Variants in DDB2 observed in about 807,000 individuals in gnomAD.
DDB2 encodes damage specific DNA binding protein 2.
DDB2 carries 27 observed loss-of-function variants against 50.5 expected under a neutral mutation model. That is an observed-to-expected ratio of 0.53 (90% CI 0.39 to 0.74). DDB2 has a LOEUF of 0.74. Among genes scored for constraint, DDB2 ranks in the 30% least tolerant of loss-of-function variants. The pLI, the probability that DDB2 is intolerant of heterozygous loss-of-function variation, is 0.00. For synonymous variants in DDB2, 176 were observed against 205.5 expected, an observed-to-expected ratio of 0.86 and a Z score of 1.23; for missense variants, 424 against 545.6, an observed-to-expected ratio of 0.78 and a Z score of 2.22.
At chr11:47,214,767 T>G, upstream of DDB2, 1 of 344,310 alleles carries the variant, frequency 2.9e-6, no homozygotes. Context: ...CCAGACCCTG[T>G]TGCTAAAAAA....
intron 7 of DDB2, among the ~76,000 whole-genome samples, chr11:47,236,514 A>G (rs1027537532): frequency 1.3e-5 from 2 of 152,208 alleles, no homozygotes; most frequent in Non-Finnish European, 2.9e-5. Flanking sequence ...GGGGAGCGCC[A>G]GTTTCCAGCA....
At chr11:47,235,202 A>C in intron 6 of DDB2, 68 bp from the exon 7 acceptor site, 3 of 1,584,624 alleles carry the variant, frequency 1.9e-6, no homozygotes, top group Non-Finnish European at 2.6e-6. Flanking sequence ...CTGCAGGAGA[A>C]GGCCTGCAAG....
chr11:47,236,053 C>T (rs1415859295), intron 7 of DDB2: 1 of 151,750 alleles, frequency 6.6e-6, no homozygotes, highest in East Asian at 1.9e-4. Context: ...CCGCCTTAGC[C>T]TCGGAAGTAG....
At chr11:47,218,186 T>C (rs1434985105) in intron 3 of DDB2, among the ~76,000 whole-genome samples, 1 of 152,226 alleles carries the variant, frequency 6.6e-6, no homozygotes. Flanking sequence ...CTGCTTCATG[T>C]TTCCCCCAAG....
chr11:47,237,600 T>C, intron 7 of DDB2: 1 of 454,350 alleles, frequency 2.2e-6, no homozygotes, highest in Non-Finnish European at 4.1e-6. Context: ...CCAGCTAATT[T>C]TTTTTTTGGT....
At chr11:47,228,875 T>C (rs758435294) in intron 3 of DDB2, among the ~76,000 whole-genome samples, 5 of 143,338 alleles carry the variant, frequency 3.5e-5, no homozygotes, top group Non-Finnish European at 6.0e-5. Flanking sequence ...GAGAATTGTT[T>C]AAACCCAGGA....
intron 3 of DDB2, among the ~76,000 whole-genome samples, chr11:47,222,600 C>T (rs1321046038): frequency 3.3e-5 from 5 of 152,236 alleles, no homozygotes; most frequent in African/African-American, 1.2e-4. Context: ...CCTGCCTTAG[C>T]CTCCCAAAGT....
chr11:47,217,572 T>C (rs1048957576), intron 3 of DDB2, among the ~76,000 whole-genome samples: 13 of 152,132 alleles, frequency 8.5e-5, no homozygotes, highest in Middle Eastern at 3.4e-3. Context: ...CTAGAAGATA[T>C]AGACTATTGA....
chr11:47,236,395 C>A (rs191538466), intron 7 of DDB2, among the ~76,000 whole-genome samples: 2 of 152,338 alleles, frequency 1.3e-5, no homozygotes, highest in East Asian at 3.9e-4. Flanking sequence ...GCCTAAGCCC[C>A]CATGCAGACT....
intron 3 of DDB2, among the ~76,000 whole-genome samples, chr11:47,222,709 A>G (rs1953504189): frequency 6.6e-6 from 1 of 152,194 alleles, no homozygotes; most frequent in Non-Finnish European, 1.5e-5. Context: ...ATTTTTTTCT[A>G]GTTTTTGAAT....
At position 47,215,282 on chromosome 11, in the gene DDB2, G is replaced by A. The variant is rs765788313; in HGVS notation, c.127+19G>A. On this transcript the variant is annotated intron_variant, in intron 1 of 9. Transcript: ENST00000256996. ...GGCTCCGGTACTGCCTGTGCCTGCT[G>A]CTTGAATATTTCCGCCTTTTAGGGT... 1 of 1,613,730 alleles carries A rather than the reference G, an allele frequency of 6.2e-7. No homozygotes were observed. The highest frequency in any genetic ancestry group is 8.5e-7 in the Non-Finnish European group (1 of 1,179,958).
chr11:47,231,618 G>T (rs1211273256), intron 3 of DDB2, among the ~76,000 whole-genome samples: 1 of 152,062 alleles, frequency 6.6e-6, no homozygotes, highest in African/African-American at 2.4e-5. Flanking sequence ...CGACCTCCAG[G>T]CTTCCGTCAT....
intron 7 of DDB2, chr11:47,235,787 C>T (rs374929534): frequency 2.4e-5 from 6 of 252,470 alleles, no homozygotes; most frequent in African/African-American, 6.7e-5. Context: ...GGCAGGGTCT[C>T]GCTCTGTCAC....
At chr11:47,231,693 T>TTG (rs1953652422) in intron 3 of DDB2, among the ~76,000 whole-genome samples, 1 of 151,354 alleles carries the variant, frequency 6.6e-6, no homozygotes, top group Non-Finnish European at 1.5e-5. Context: ...TAAATTTTTT[T>TTG]TGTGTGTGTA....
rs781286785 is a variant in DDB2 at position 47,234,880 on chromosome 11, A to G, written c.826A>G (p.Arg276Gly). 7 of 1,614,236 alleles carry G rather than the reference A, an allele frequency of 4.3e-6. No individual in the cohort carries two copies. In the South Asian group the frequency reaches 7.7e-5, roughly 18 times the overall value. ...TVKIWDLRQV[R>G]GKASFLYSLP... Reference sequence around the variant, plus strand: ...GAAAATTTGGGACCTGCGCCAGGTTAGAGGGAAAGCCAGCTTCCTCTACTC... The same window carrying G: ...GAAAATTTGGGACCTGCGCCAGGTTGGAGGGAAAGCCAGCTTCCTCTACTC... Residue 276 changes from arginine to glycine, a missense_variant, in exon 6 of 10, where the codon AGA becomes GGA. Arg to Gly is a moderately radical substitution (Grantham distance 125). Coordinates refer to ENST00000256996, the MANE Select transcript of DDB2 (RefSeq NM_000107.3).
rs865874237 is a variant in DDB2, at chr11:47,226,285, T to C, written c.457-6529T>C. ...CCCACCAACATTTATTTTCTTTTTT[T>C]TTTTTTTTGAGATGAAGTCTCCCTC... On this transcript the variant is annotated intron_variant, in intron 3 of 9. Coordinates refer to ENST00000256996, the MANE Select transcript of DDB2 (RefSeq NM_000107.3). 4.1e-3 allele frequency among the ~76,000 whole-genome samples: 626 copies of C among 151,738 alleles called. 4 individuals are homozygous for C. The highest frequency in any genetic ancestry group is 0.014 in the African/African-American group (584 of 41,454).
intron 1 of DDB2, chr11:47,215,969 C>T (rs1047957885): frequency 2.7e-6 from 1 of 369,308 alleles, no homozygotes; most frequent in African/African-American, 2.1e-5. Flanking sequence ...TTTTATTGTG[C>T]ATTATATGTG....
chr11:47,229,142 G>A (rs1953607583), intron 3 of DDB2, among the ~76,000 whole-genome samples: 1 of 151,994 alleles, frequency 6.6e-6, no homozygotes, highest in Non-Finnish European at 1.5e-5. Flanking sequence ...AGTGCCAGAT[G>A]CTGGGGCCCC....
chr11:47,237,565 G>A (rs1337823361), intron 7 of DDB2: 1 of 400,796 alleles, frequency 2.5e-6, no homozygotes, highest in Admixed American at 3.6e-5. Flanking sequence ...CAAGTAGCTG[G>A]GACTACAGGC....
Sources: allele counts gnomAD v4.1 joint callset (sites outside exome capture counted in the v4.1 genomes callset), GRCh38; gene constraint gnomAD v4.1.1; transcripts MANE v1.5; gene names NCBI Gene and HGNC (gene_info 2026-07-23, HGNC 2026-07-21).